Variants in LHFPL6 observed in about 807,000 individuals in gnomAD.
LHFPL6 encodes LHFPL tetraspan subfamily member 6 protein.
LHFPL6 carries 9 observed loss-of-function variants against 20.6 expected under a neutral mutation model. That is an observed-to-expected ratio of 0.44 (90% CI 0.26 to 0.76). The LOEUF (loss-of-function observed/expected upper bound fraction) is 0.76, where lower values mean the gene tolerates loss of function less well. LHFPL6 is among the 30% of genes least tolerant of loss of function. The probability of loss-of-function intolerance (pLI) is 0.20; values close to 1 mark genes in which losing one functional copy is unlikely to be tolerated. For missense variants in LHFPL6, 218 were observed against 253.5 expected (o/e 0.86, Z 0.95); for synonymous variants, 105 against 98.7 (o/e 1.06, Z -0.38).
At chr13:39,526,896 G>A (rs909995994) in intron 2 of LHFPL6, among the ~76,000 whole-genome samples, 6 of 152,184 alleles carry the variant, frequency 3.9e-5, no homozygotes, top group African/African-American at 1.4e-4. Context: ...GAATCAAACA[G>A]TAGACTCTGA....
At chr13:39,434,479 G>A (rs581783) in intron 2 of LHFPL6, among the ~76,000 whole-genome samples, 144,212 of 152,270 alleles carry the variant, frequency 0.95, 68,792 homozygotes, top group East Asian at 1. Flanking sequence ...ATATGTTATA[G>A]ATGTTATAAA....
chr13:39,589,497 C>T (rs1396627283), intron 2 of LHFPL6, among the ~76,000 whole-genome samples: 2 of 152,056 alleles, frequency 1.3e-5, no homozygotes, highest in African/African-American at 4.8e-5. Flanking sequence ...GTATCCAACC[C>T]GACGAACCTC....
chr13:39,403,024 C>T (rs1871031163), intron 2 of LHFPL6, among the ~76,000 whole-genome samples: 2 of 152,126 alleles, frequency 1.3e-5, no homozygotes, highest in Admixed American at 1.3e-4. Flanking sequence ...AAAGGGTCCT[C>T]GAAGGAATTC....
rs569930627 is a variant in LHFPL6, at chr13:39,413,663, G to A, written c.386-35137C>T. On this transcript the variant is annotated intron_variant, in intron 2 of 3. Coordinates refer to ENST00000379589, the MANE Select transcript of LHFPL6 (RefSeq NM_005780.3). The stretch of plus-strand genomic sequence containing the variant: ...TGCTGTCTTTAATAAGTGAACATAT[G>A]TTTGCATTTGCACAAGTGTATTAAA... Among the ~76,000 whole-genome samples the A allele has an allele frequency of 3.3e-5, 5 of 149,270 alleles. No homozygotes were observed. In the East Asian group the frequency reaches 1.0e-3, roughly 31 times the overall value.
intron 3 of LHFPL6, among the ~76,000 whole-genome samples, chr13:39,358,343 ATGCAGAGGAATAAAAG>A (rs1320912817): frequency 2.0e-5 from 3 of 152,230 alleles, no homozygotes; most frequent in Non-Finnish European, 2.9e-5. Context: ...GGCTATCCAT[ATGCAGAGGAATAAAAG>A]TGGACACCTT....
At chr13:39,368,711 TAAAAAGAGA>T (rs1870075458) in intron 3 of LHFPL6, among the ~76,000 whole-genome samples, 1 of 151,830 alleles carries the variant, frequency 6.6e-6, no homozygotes, top group Non-Finnish European at 1.5e-5. Context: ...AGTGAGAGAA[TAAAAAGAGA>T]CAGGCATCAT....
intron 2 of LHFPL6, among the ~76,000 whole-genome samples, chr13:39,380,019 A>G (rs1242651956): frequency 6.6e-6 from 1 of 152,240 alleles, no homozygotes; most frequent in Non-Finnish European, 1.5e-5. Flanking sequence ...CAAATGTCCT[A>G]GTGGCCAATT....
intron 2 of LHFPL6, among the ~76,000 whole-genome samples, chr13:39,485,459 T>C (rs1170239119): frequency 1.3e-5 from 2 of 152,178 alleles, no homozygotes; most frequent in Non-Finnish European, 2.9e-5. Context: ...TTAGCAACCC[T>C]ATGGGTCAAT....
chr13:39,601,821 A>G (rs1444366375), intron 1 of LHFPL6, among the ~76,000 whole-genome samples: 1 of 152,198 alleles, frequency 6.6e-6, no homozygotes, highest in Non-Finnish European at 1.5e-5. Context: ...TGTCCCTTTA[A>G]GGGTGCATTA....
chr13:39,479,118 C>CATCCATCTATCT lies in LHFPL6; in HGVS notation c.386-100593_386-100592insAGATAGATGGAT, dbSNP rs557210931. 7.8e-4 allele frequency among the ~76,000 whole-genome samples: 95 copies of CATCCATCTATCT among 121,642 alleles called. 1 individual carries two copies. In the South Asian group the frequency reaches 0.024, roughly 31 times the overall value. 79.8% of individuals were successfully genotyped at this position (121,642 alleles called of 152,430 possible). On this transcript the variant is annotated intron_variant, in intron 2 of 3. Transcript: ENST00000379589. ...GTTGATCTCTACCTATCTATCCATC[C>CATCCATCTATCT]ATCTATCTATCTATCTATCTATCTA... is the stretch of plus-strand genomic sequence containing the variant.
At chr13:39,553,548 C>CA (rs997929379) in intron 2 of LHFPL6, among the ~76,000 whole-genome samples, 72 of 151,080 alleles carry the variant, frequency 4.8e-4, no homozygotes, top group Non-Finnish European at 4.4e-4. Context: ...TTCATCTCTA[C>CA]AAAAAAAAAT....
chr13:39,444,325 G>A (rs981067915), intron 2 of LHFPL6, among the ~76,000 whole-genome samples: 12 of 152,184 alleles, frequency 7.9e-5, no homozygotes, highest in African/African-American at 2.4e-4. Flanking sequence ...GCCTGACCAT[G>A]TAAAGAATAA....
At chr13:39,380,082 C>T (rs1870399351) in intron 2 of LHFPL6, among the ~76,000 whole-genome samples, 1 of 152,174 alleles carries the variant, frequency 6.6e-6, no homozygotes, top group African/African-American at 2.4e-5. Flanking sequence ...AAGACAACTC[C>T]AAACTAGTTT....
At chr13:39,382,378 ATTACT>A (rs1361105164) in intron 2 of LHFPL6, among the ~76,000 whole-genome samples, 1 of 151,984 alleles carries the variant, frequency 6.6e-6, no homozygotes, top group Non-Finnish European at 1.5e-5. Context: ...AGTAGGTTAC[ATTACT>A]TTGTTTTTTG....
chr13:39,377,717 A>T (rs1238757033), intron 3 of LHFPL6, among the ~76,000 whole-genome samples: 1 of 152,242 alleles, frequency 6.6e-6, no homozygotes, highest in East Asian at 1.9e-4. Context: ...TATGGTTACA[A>T]ATGAAAACTA....
chr13:39,586,723 A>G (rs973037794), intron 2 of LHFPL6, among the ~76,000 whole-genome samples: 1 of 152,206 alleles, frequency 6.6e-6, no homozygotes, highest in Non-Finnish European at 1.5e-5. Context: ...TCGCTGGCCA[A>G]CATTGCTATA....
chr13:39,364,693 C>T (rs1314477583), intron 3 of LHFPL6, among the ~76,000 whole-genome samples: 3 of 151,976 alleles, frequency 2.0e-5, no homozygotes, highest in Admixed American at 6.5e-5. Context: ...CTGGGATACA[C>T]GTGCAGAACA....
At chr13:39,345,511 TCAAAAAAA>T (rs1869371831) in intron 3 of LHFPL6, among the ~76,000 whole-genome samples, 1 of 3,614 alleles carries the variant, frequency 2.8e-4, no homozygotes, top group East Asian at 0.01. Context: ...AGACTCCATC[TCAAAAAAA>T]AAAAAAAAAA....
Position 39,397,822 on chromosome 13 carries a change from CAGAA to C in LHFPL6, c.386-19300_386-19297del, listed in dbSNP as rs371875777. 3.8e-3 allele frequency among the ~76,000 whole-genome samples: 581 copies of C among 152,250 alleles called. 3 individuals are homozygous for C. Among genetic ancestry groups the C allele is most frequent in the African/African-American group, 0.013 (559 of 41,534 alleles). ...CTTTTGTTGGAAAGGGGGGGTTACTCAGAAAGGCCCAATCTATTCTGAAATTACC... is the reference window on the plus strand; with the variant it reads ...CTTTTGTTGGAAAGGGGGGGTTACTCAGGCCCAATCTATTCTGAAATTACC... On this transcript the variant is annotated intron_variant, in intron 2 of 3. Coordinates refer to ENST00000379589, the MANE Select transcript of LHFPL6 (RefSeq NM_005780.3).
Sources: allele counts gnomAD v4.1 joint callset (sites outside exome capture counted in the v4.1 genomes callset), GRCh38; gene constraint gnomAD v4.1.1; transcripts MANE v1.5; gene names NCBI Gene and HGNC (gene_info 2026-07-23, HGNC 2026-07-21).